CEP112: variants seen among roughly 807,000 people sequenced by gnomAD.
CEP112 encodes the protein centrosomal protein of 112 kDa.
In CEP112, 127 loss-of-function variants were observed where a neutral mutation model predicts 153.0. The observed-to-expected ratio is 0.83, with a 90% CI of 0.72 to 0.96. The LOEUF (loss-of-function observed/expected upper bound fraction) is 0.96. Ranked by LOEUF, CEP112 falls within the 40% of genes least tolerant of loss-of-function variation. The pLI is 0.00. For synonymous variants in CEP112, 358 were observed against 374.4 expected (o/e 0.96, Z 0.51); for missense variants, 1,089 against 1,101.2 (o/e 0.99, Z 0.16).
In CEP112 at chr17:66,058,630, G is replaced by A. The variant is rs905108751; in HGVS notation, c.1074+4333C>T. Among the ~76,000 whole-genome samples, 4 of 152,018 alleles carry A rather than the reference G, an allele frequency of 2.6e-5. 1 individual carries two copies. The highest frequency in any genetic ancestry group is 1.5e-5 in the Non-Finnish European group (1 of 67,948). On this transcript the variant is annotated intron_variant, in intron 11 of 26. Transcript: ENST00000535342. ...ACTGGGAGGCTGAGGCAGGAGGATC[G>A]CTTGAGGTCAGGAGTTCAAGACAAG...
chr17:65,974,525 C>T (rs2145044010), intron 17 of CEP112, among the ~76,000 whole-genome samples: 1 of 152,202 alleles, frequency 6.6e-6, no homozygotes, highest in Non-Finnish European at 1.5e-5. Flanking sequence ...AATCTATATC[C>T]CAAACAATAC....
intron 6 of CEP112, among the ~76,000 whole-genome samples, chr17:66,120,762 T>C (rs180736924): frequency 1.3e-5 from 2 of 152,362 alleles, no homozygotes; most frequent in African/African-American, 4.8e-5. Flanking sequence ...TTTGTCAGTC[T>C]GGCTAAAAGT....
At chr17:66,176,804 T>C in intron 3 of CEP112, 26 bp downstream of exon 3, 1 of 1,554,338 alleles carries the variant, frequency 6.4e-7, no homozygotes, top group East Asian at 2.3e-5. Context: ...GAAACTAATA[T>C]ATACCTTTTG....
At chr17:65,998,885 C>T (rs1181602683) in intron 17 of CEP112, among the ~76,000 whole-genome samples, 1 of 152,112 alleles carries the variant, frequency 6.6e-6, no homozygotes, top group African/African-American at 2.4e-5. Flanking sequence ...CAACCGGGTC[C>T]AGAGTCCATG....
intron 21 of CEP112, among the ~76,000 whole-genome samples, chr17:65,827,945 G>C (rs2056908457): frequency 6.6e-6 from 1 of 152,100 alleles, no homozygotes; most frequent in African/African-American, 2.4e-5. Context: ...ACCAGCCCTG[G>C]TACTCGAGAG....
intron 18 of CEP112, among the ~76,000 whole-genome samples, chr17:65,957,832 A>G (rs1393640178): frequency 6.6e-6 from 1 of 152,116 alleles, no homozygotes; most frequent in African/African-American, 2.4e-5. Context: ...TCATATTTAA[A>G]CATTACAAAA....
At chr17:65,773,681 G>A (rs1182051051) in intron 21 of CEP112, among the ~76,000 whole-genome samples, 4 of 152,126 alleles carry the variant, frequency 2.6e-5, no homozygotes, top group Non-Finnish European at 4.4e-5. Flanking sequence ...TCGGTGCAAT[G>A]TTTTTGCACA....
intron 17 of CEP112, among the ~76,000 whole-genome samples, chr17:65,963,462 T>G (rs2062288878): frequency 6.6e-6 from 1 of 152,166 alleles, no homozygotes; most frequent in Non-Finnish European, 1.5e-5. Flanking sequence ...GGCTTTTCAA[T>G]AAGAACGTAC....
At position 65,949,915 on chromosome 17, in the gene CEP112, T is replaced by C. The variant is rs895987328; in HGVS notation, c.1872+11548A>G. 2.6e-5 allele frequency among the ~76,000 whole-genome samples: 4 copies of C among 152,284 alleles called. No individual in the cohort carries two copies. The East Asian group carries it at 5.8e-4, about 22-fold the overall frequency. ...ATATTCTTTTTTTAACTTAAAAAAATTAATCATTTCTCCATTCTCTCCAAT... is the reference window on the plus strand; with the variant it reads ...ATATTCTTTTTTTAACTTAAAAAAACTAATCATTTCTCCATTCTCTCCAAT... On this transcript the variant is annotated intron_variant, in intron 18 of 26. Coordinates refer to ENST00000535342, the MANE Select transcript of CEP112 (RefSeq NM_001199165.4).
At chr17:65,941,029 A>G (rs961417312) in intron 18 of CEP112, among the ~76,000 whole-genome samples, 2 of 152,116 alleles carry the variant, frequency 1.3e-5, no homozygotes, top group African/African-American at 2.4e-5. Flanking sequence ...ATGATTTGTC[A>G]ATTAAAAATA....
At chr17:65,771,055 A>G (rs1201939360) in intron 21 of CEP112, among the ~76,000 whole-genome samples, 1 of 152,042 alleles carries the variant, frequency 6.6e-6, no homozygotes. Flanking sequence ...AAATATAAGT[A>G]GCCTAAAAAT....
At chr17:65,986,604 T>A (rs1349049135) in intron 17 of CEP112, among the ~76,000 whole-genome samples, 2 of 152,084 alleles carry the variant, frequency 1.3e-5, no homozygotes, top group Non-Finnish European at 2.9e-5. Context: ...TCTCCACAGC[T>A]AAAGGAATAT....
intron 19 of CEP112, among the ~76,000 whole-genome samples, chr17:65,925,474 T>C (rs2060890936): frequency 6.6e-6 from 1 of 152,254 alleles, no homozygotes. Flanking sequence ...TCTATGTATA[T>C]ACTGTTCACT....
At chr17:65,846,298 A>C (rs2057722140) in intron 21 of CEP112, among the ~76,000 whole-genome samples, 1 of 152,218 alleles carries the variant, frequency 6.6e-6, no homozygotes, top group Non-Finnish European at 1.5e-5. Flanking sequence ...TCACAGTAAA[A>C]ACTCAAATTT....
At chr17:65,865,579 C>A (rs866920908) in intron 20 of CEP112, among the ~76,000 whole-genome samples, 1 of 152,172 alleles carries the variant, frequency 6.6e-6, no homozygotes, top group Non-Finnish European at 1.5e-5. Flanking sequence ...GCCTCTGCCA[C>A]GGCCTCAACC....
intron 24 of CEP112, among the ~76,000 whole-genome samples, chr17:65,661,581 T>C (rs1312745132): frequency 5.3e-5 from 8 of 152,172 alleles, no homozygotes; most frequent in African/African-American, 9.7e-5. Flanking sequence ...CACACTGCTT[T>C]CTCCTATTAG....
chr17:65,671,902 T>C (rs1435194809), intron 24 of CEP112, among the ~76,000 whole-genome samples: 1 of 152,148 alleles, frequency 6.6e-6, no homozygotes, highest in Non-Finnish European at 1.5e-5. Flanking sequence ...CAAGGACACA[T>C]ACTATCACTG....
chr17:65,873,336 T>C (rs1036577076), intron 20 of CEP112, among the ~76,000 whole-genome samples: 7 of 152,220 alleles, frequency 4.6e-5, no homozygotes, highest in Non-Finnish European at 7.3e-5. Flanking sequence ...ATTACATTCT[T>C]GACTTTCGGT....
chr17:66,139,044 A>C (rs991548756), intron 4 of CEP112, among the ~76,000 whole-genome samples: 3 of 152,036 alleles, frequency 2.0e-5, no homozygotes, highest in Non-Finnish European at 4.4e-5. Flanking sequence ...AAACTCTAAC[A>C]ACCTAGATGC....
Sources: allele counts gnomAD v4.1 joint callset (sites outside exome capture counted in the v4.1 genomes callset), GRCh38; gene constraint gnomAD v4.1.1; transcripts MANE v1.5; gene names NCBI Gene and HGNC (gene_info 2026-07-23, HGNC 2026-07-21).